The following CKAP4 variants were observed in gnomAD, a reference collection of about 807,000 sequenced individuals.
The protein encoded by CKAP4 is cytoskeleton-associated protein 4.
In CKAP4, 20 loss-of-function variants were observed where a neutral mutation model predicts 24.4. The observed-to-expected ratio is 0.82, with a 90% CI of 0.58 to 1.19. The LOEUF (loss-of-function observed/expected upper bound fraction) is 1.19, where lower values mean the gene tolerates loss of function less well. Ranked by LOEUF, CKAP4 falls within the 50% of genes most tolerant of loss-of-function variation. The pLI is 0.00. For missense variants in CKAP4, 744 were observed against 765.3 expected (o/e 0.97, Z 0.33); for synonymous variants, 378 against 351.7 (o/e 1.07, Z -0.84).
In CKAP4 at chr12:106,238,998, A is replaced by G. The variant is rs2033938545; in HGVS notation, c.*26T>C. On this transcript the variant is annotated 3_prime_UTR_variant, in exon 2 of 2. Transcript: ENST00000378026. ...TTGGTCATGAGAAATTGGACTTTAAATCCGCGCCCTGCACACGCAATTCAT... is the reference window on the plus strand; with the variant it reads ...TTGGTCATGAGAAATTGGACTTTAAGTCCGCGCCCTGCACACGCAATTCAT... 1 of 1,599,170 alleles carries G rather than the reference A, an allele frequency of 6.3e-7. No individual in the cohort carries two copies. The highest frequency in any genetic ancestry group is 1.1e-5 in the South Asian group (1 of 90,234).
chr12:106,238,787 C>A lies in CKAP4; in HGVS notation c.*237G>T, dbSNP rs15040. The A allele has an allele frequency of 0.015, 7,472 of 504,890 alleles. 427 individuals are homozygous for A. Among genetic ancestry groups the A allele is most frequent in the African/African-American group, 0.13 (6,625 of 52,262 alleles). The allele number at this position is 504,890 out of a possible 1,614,324, so 31.3% of individuals were successfully genotyped here. ...ACTAGAGACATCCATGAAAAGCCACCTGTTATTCACAGGGGCTGCGCTTCA... is the reference window on the plus strand; with the variant it reads ...ACTAGAGACATCCATGAAAAGCCACATGTTATTCACAGGGGCTGCGCTTCA... On this transcript the variant is annotated 3_prime_UTR_variant, in exon 2 of 2. Transcript: ENST00000378026.
At chr12:106,240,408 A>G (rs2033960260) in intron 1 of CKAP4, 59 bp from the exon 2 acceptor site, 7 of 1,540,292 alleles carry the variant, frequency 4.5e-6, no homozygotes, top group Non-Finnish European at 4.4e-6. Flanking sequence ...CACATGATAC[A>G]ACTTTTTTTG....
At chr12:106,240,597 T>A (rs1199971639) in intron 1 of CKAP4, among the ~76,000 whole-genome samples, 2 of 149,688 alleles carry the variant, frequency 1.3e-5, no homozygotes, top group Non-Finnish European at 3.0e-5. Flanking sequence ...GCACAATGAT[T>A]AATAACCTGG....
At chr12:106,246,850 C>G (rs1225899885) in intron 1 of CKAP4, 2 of 152,904 alleles carry the variant, frequency 1.3e-5, no homozygotes, top group African/African-American at 4.8e-5. Context: ...TCATTTGGAC[C>G]TGCAAATGAG....
rs529992641 is a variant in CKAP4 at position 106,239,494 on chromosome 12, G to A, written c.1339C>T (p.Arg447Cys). 3.3e-4 allele frequency: 534 copies of A among 1,607,566 alleles called. 9 individuals are homozygous for A. In the South Asian group the frequency reaches 5.4e-3, roughly 16 times the overall value. Residue 447 changes from arginine to cysteine, a missense_variant, in exon 2 of 2, where the codon CGC (arginine) becomes TGC (cysteine). Physicochemically the swap from Arg to Cys is radical, Grantham distance 180 (BLOSUM62 -3). Around this residue, in one of 3 missense-constraint regions of CKAP4, gnomAD observed 401 missense variants for 424.5 expected, o/e 0.94. Coordinates refer to ENST00000378026, the MANE Select transcript of CKAP4 (RefSeq NM_006825.4). This position sits in a 1 kb window ranked among gnomAD's most constrained non-coding sequence, Gnocchi z 4.9. ...AGGCGCCCCTGCAGGGCGGCCAGGC[G>A]CTGCTCGTGCTCCTGGCTCTTGGAC... ...LLSKSQEHEQRLAALQGRLEG... is the reference protein window; with the variant it reads ...LLSKSQEHEQCLAALQGRLEG...
chr12:106,240,491 C>T, intron 1 of CKAP4, 142 bp from the exon 2 acceptor site: 1 of 900,434 alleles, frequency 1.1e-6, no homozygotes, highest in South Asian at 1.8e-5. Flanking sequence ...CATCCTTCCA[C>T]ATATAGTCCA....
chr12:106,247,818 C>A lies in CKAP4; in HGVS notation c.34G>T (p.Gly12Cys). 9.5e-7 allele frequency: 1 copy of A among 1,050,354 alleles called. No homozygotes were observed. Among genetic ancestry groups the A allele is most frequent in the South Asian group, 4.3e-5 (1 of 23,026 alleles). 65.1% of individuals were successfully genotyped at this position (1,050,354 alleles called of 1,614,324 possible). ...PSAKQRGSKG[G>C]HGAASPSEKG... is the part of the protein sequence containing the mutation. ...TCCGAGGGGCTCGCGGCGCCGTGGC[C>A]GCCCTTGGAGCCCCTTTGTTTGGCC... is the stretch of plus-strand genomic sequence containing the variant. Residue 12 changes from glycine (G) to cysteine (C), a missense_variant, in exon 1 of 2, where the codon GGC becomes TGC. Gly to Cys is a radical substitution (Grantham distance 159). Coordinates refer to ENST00000378026, the MANE Select transcript of CKAP4 (RefSeq NM_006825.4). This position sits in a 1 kb window ranked among gnomAD's most constrained non-coding sequence, Gnocchi z 4.5.
Position 106,247,635 on chromosome 12 carries a change from C to A in CKAP4, c.217G>T (p.Gly73Cys). Residue 73 changes from glycine to cysteine, a missense_variant, in exon 1 of 2, where the codon GGC becomes TGC. Physicochemically the swap from Gly to Cys is radical, Grantham distance 159 (BLOSUM62 -3). Around this residue, in one of 3 missense-constraint regions of CKAP4, gnomAD observed 300 missense variants for 264.5 expected, o/e 1.13. Transcript: ENST00000378026. This position sits in a 1 kb window ranked among gnomAD's most constrained non-coding sequence, Gnocchi z 4.5. ...AHGKGGHRGG[G>C]GGGGKSSSSS... Reference sequence around the variant, plus strand: ...GAGGAGGACTTGCCGCCGCCGCCGCCGCCGCCGCGGTGGCCGCCCTTGCCG... The same window carrying A: ...GAGGAGGACTTGCCGCCGCCGCCGCAGCCGCCGCGGTGGCCGCCCTTGCCG... 2 of 1,050,762 alleles carry A rather than the reference C, an allele frequency of 1.9e-6. No individual in the cohort carries two copies. Among genetic ancestry groups the A allele is most frequent in the East Asian group, 5.4e-5 (1 of 18,500 alleles). The allele number at this position is 1,050,762 out of a possible 1,614,324, so 65.1% of individuals were successfully genotyped here.
At chr12:106,246,957 C>G (rs1019436065) in intron 1 of CKAP4, 1 of 164,808 alleles carries the variant, frequency 6.1e-6, no homozygotes, top group African/African-American at 2.4e-5. Context: ...CAGGGATGCG[C>G]TGGCTTCCCT....
intron 1 of CKAP4, chr12:106,245,466 T>G (rs1240260209): frequency 2.0e-5 from 3 of 152,216 alleles, no homozygotes; most frequent in Non-Finnish European, 2.9e-5. Context: ...TGTCTATTTT[T>G]TAAGAATGGT....
At position 106,240,060 on chromosome 12, in the gene CKAP4, A is replaced by G. The variant is rs765615556; in HGVS notation, c.773T>C (p.Val258Ala). The G allele has an allele frequency of 6.2e-7, 1 of 1,613,930 alleles. No individual in the cohort carries two copies. Residue 258 changes from valine to alanine, a missense_variant, in exon 2 of 2, where the codon GTC (valine) becomes GCC (alanine). Around this residue, in one of 3 missense-constraint regions of CKAP4, gnomAD observed 43 missense variants for 76.4 expected, o/e 0.56. Transcript: ENST00000378026. ...GATCTCCTTCTGGCTCCTCTTCTGG[A>G]CTTCTGTGAAGATGGCGATGTTGTC... ...INDNIAIFTE[V>A]QKRSQKEIND...
Position 106,240,108 on chromosome 12 carries a change from G to A in CKAP4, c.725C>T (p.Thr242Met), listed in dbSNP as rs144144747. 36 of 1,613,960 alleles carry A rather than the reference G, an allele frequency of 2.2e-5. No homozygotes were observed. Among genetic ancestry groups the A allele is most frequent in the Middle Eastern group, 1.6e-4 (1 of 6,082 alleles). ...GTCGTTGATGGATTTGGTGAGCTCC[G>A]TCAGCCGCTCCTCCACCGTGTTCTC... ...SLENTVEERL[T>M]ELTKSINDNI... is the part of the protein sequence containing the mutation. Residue 242 changes from threonine to methionine, a missense_variant, in exon 2 of 2, where the codon ACG becomes ATG. By Grantham distance (81) the Thr-to-Met change is moderately conservative (BLOSUM62 -1). Coordinates refer to ENST00000378026, the MANE Select transcript of CKAP4 (RefSeq NM_006825.4).
chr12:106,242,551 T>G (rs890288911), intron 1 of CKAP4, among the ~76,000 whole-genome samples: 1 of 152,190 alleles, frequency 6.6e-6, no homozygotes. Flanking sequence ...CAGATTAGAA[T>G]AAGGTTCTCA....
chr12:106,247,722 G>A lies in CKAP4; in HGVS notation c.130C>T (p.Pro44Ser), dbSNP rs1487122408. The A allele has an allele frequency of 9.6e-7, 1 of 1,044,286 alleles. No individual in the cohort carries two copies. The highest frequency in any genetic ancestry group is 1.1e-6 in the Non-Finnish European group (1 of 874,034). 64.7% of individuals were successfully genotyped at this position (1,044,286 alleles called of 1,614,324 possible). A position where few individuals can be genotyped will look rare whatever the true frequency, so the allele number is the denominator to read the frequency against. The change falls in exon 1 of 2, where the codon CCG becomes TCG. Residue 44 changes from proline (P) to serine (S), a missense_variant. Physicochemically the swap from Pro to Ser is moderately conservative, Grantham distance 74. Coordinates refer to ENST00000378026, the MANE Select transcript of CKAP4 (RefSeq NM_006825.4). The surrounding 1 kb of genome is among the most constrained non-coding windows in gnomAD (Gnocchi z 4.5). ...TGCGGGTGCGGCGCGGGCGGCGGCG[G>A]CGGCTGCTGCGGCGCCGGCGGCGGC... ...KKPPPAPQQP[P>S]PPPAPHPQQH...
rs910903471 is a variant in CKAP4 at position 106,240,310 on chromosome 12, T to C, written c.523A>G (p.Ile175Val). Reference sequence around the variant, plus strand: ...TGTTTATGTTGGGAGCTTCTCAAGATGGACTCAAAAGTTCCAAATGTGGCT... The same window carrying C: ...TGTTTATGTTGGGAGCTTCTCAAGACGGACTCAAAAGTTCCAAATGTGGCT... ...LQATFGTFES[I>V]LRSSQHKQDL... Residue 175 changes from isoleucine (I) to valine (V), a missense_variant, in exon 2 of 2, where the codon ATC becomes GTC. Ile to Val is a conservative substitution (Grantham distance 29, BLOSUM62 3). This residue lies in a region of CKAP4 where 300 missense variants were observed against 264.5 expected (regional missense o/e 1.13). Coordinates refer to ENST00000378026, the MANE Select transcript of CKAP4 (RefSeq NM_006825.4). The C allele has an allele frequency of 4.3e-6, 7 of 1,613,892 alleles. No individual in the cohort carries two copies. The highest frequency in any genetic ancestry group is 1.3e-5 in the African/African-American group (1 of 74,926).
At chr12:106,242,735 G>A (rs1284394465) in intron 1 of CKAP4, among the ~76,000 whole-genome samples, 1 of 152,200 alleles carries the variant, frequency 6.6e-6, no homozygotes, top group East Asian at 1.9e-4. Flanking sequence ...GGTGAGCACA[G>A]TACCTTCAAC....
chr12:106,239,300 G>C lies in CKAP4; in HGVS notation c.1533C>G (p.His511Gln). ...ESLQKVQEQV[H>Q]TLLSQDQAQA... is the part of the protein sequence containing the mutation. ...GGGCTTGGTCCTGACTGAGCAGCGT[G>C]TGCACCTGCTCCTGCACCTTCTGGA... Residue 511 changes from histidine to glutamine, a missense_variant, in exon 2 of 2, where the codon CAC becomes CAG. Transcript: ENST00000378026. The surrounding 1 kb of genome is among the most constrained non-coding windows in gnomAD (Gnocchi z 4.9). The C allele has an allele frequency of 6.2e-7, 1 of 1,611,306 alleles. No homozygotes were observed. The highest frequency in any genetic ancestry group is 8.5e-7 in the Non-Finnish European group (1 of 1,180,004).
In CKAP4 at chr12:106,239,324, G is replaced by T; in HGVS notation, c.1509C>A (p.Leu503=). Residue 503 remains leucine, a synonymous_variant, in exon 2 of 2, where the codon CTC becomes CTA. Transcript: ENST00000378026. The surrounding 1 kb of genome is among the most constrained non-coding windows in gnomAD (Gnocchi z 4.9). ...VGELPSTVES[L]QKVQEQVHTL... is the part of the protein sequence containing the mutation. ...TGTGCACCTGCTCCTGCACCTTCTG[G>T]AGTGATTCCACGGTGCTGGGGAGCT... is the stretch of plus-strand genomic sequence containing the variant. 6.2e-7 allele frequency: 1 copy of T among 1,609,212 alleles called. No individual in the cohort carries two copies.
In CKAP4 at chr12:106,239,037, T is replaced by G. The variant is rs2033939409; in HGVS notation, c.1796A>C (p.His599Pro). 6.2e-7 allele frequency: 1 copy of G among 1,613,170 alleles called. No individual in the cohort carries two copies. The highest frequency in any genetic ancestry group is 1.3e-5 in the African/African-American group (1 of 75,020). Reference protein sequence around the residue: ...DRLFVKVEKIHEKV With the variant: ...DRLFVKVEKIPEKV ...CACGCAATTCATTTAGACCTTTTCG[T>G]GAATCTTCTCCACTTTCACAAACAA... Residue 599 changes from histidine to proline, a missense_variant, in exon 2 of 2, where the codon CAC becomes CCC. By Grantham distance (77) the His-to-Pro change is moderately conservative. This residue lies in a region of CKAP4 where 401 missense variants were observed against 424.5 expected (regional missense o/e 0.94). Coordinates refer to ENST00000378026, the MANE Select transcript of CKAP4 (RefSeq NM_006825.4). The surrounding 1 kb of genome is among the most constrained non-coding windows in gnomAD (Gnocchi z 4.9).
Sources: gnomAD v4.1 joint callset for allele counts (sites outside exome capture counted in the v4.1 genomes callset) on GRCh38, gnomAD v4.1.1 for gene constraint, gnomAD v4.1.1 regional missense constraint, Gnocchi (gnomAD v3.1) non-coding constraint, MANE v1.5 for transcripts, NCBI Gene and HGNC (gene_info 2026-07-23, HGNC 2026-07-21) for gene names.